ITIH5: variants seen among roughly 807,000 people sequenced by gnomAD.
ITIH5 encodes the protein inter-alpha-trypsin inhibitor heavy chain H5.
A neutral mutation model predicts 77.5 loss-of-function variants in ITIH5; 65 were observed. That is an observed-to-expected ratio of 0.84 (90% CI 0.69 to 1.03). The LOEUF is 1.03. Ranked by LOEUF, ITIH5 falls within the 50% of genes least tolerant of loss-of-function variation. The probability of loss-of-function intolerance (pLI) is 0.00; values close to 1 mark genes in which losing one functional copy is unlikely to be tolerated. For synonymous variants in ITIH5, 525 were observed against 494.3 expected (o/e 1.06, Z -0.82); for missense variants, 1,208 against 1,213.1 (o/e 1.00, Z 0.06).
intron 7 of ITIH5, among the ~76,000 whole-genome samples, chr10:7,614,333 A>G (rs1434771516): frequency 6.6e-6 from 1 of 152,202 alleles, no homozygotes; most frequent in Non-Finnish European, 1.5e-5. Context: ...TTTTCCCCCT[A>G]CATTAGTTCG....
At chr10:7,565,439 G>A (rs1384153994) in intron 13 of ITIH5, among the ~76,000 whole-genome samples, 1 of 149,556 alleles carries the variant, frequency 6.7e-6, no homozygotes, top group Non-Finnish European at 1.5e-5. Context: ...TATACACATA[G>A]ACTGTGTATA....
chr10:7,583,985 T>C (rs761535284), intron 8 of ITIH5, among the ~76,000 whole-genome samples: 21 of 152,202 alleles, frequency 1.4e-4, no homozygotes, highest in Non-Finnish European at 2.4e-4. Context: ...ACTTCCTATG[T>C]GCCAGGACCA....
chr10:7,569,708 G>T lies in ITIH5; in HGVS notation c.2109C>A (p.Pro703=). The T allele has an allele frequency of 6.2e-7, 1 of 1,612,788 alleles. No homozygotes were observed. Among genetic ancestry groups the T allele is most frequent in the Non-Finnish European group, 8.5e-7 (1 of 1,179,502 alleles). The stretch of plus-strand genomic sequence containing the variant: ...CAGAGACCAGCCTGAGGATGTCCCC[G>T]GGCTGCCCATCAATGTTGAAGCACA... ...LTVCFNIDGQ[P]GDILRLVSDH... Residue 703 remains proline (P), a synonymous_variant, in exon 12 of 14, where the codon CCC becomes CCA. Coordinates refer to ENST00000397146, the MANE Select transcript of ITIH5 (RefSeq NM_030569.7).
At chr10:7,569,581 A>G in intron 12 of ITIH5, 87 bp downstream of exon 12, 1 of 814,412 alleles carries the variant, frequency 1.2e-6, no homozygotes, top group Non-Finnish European at 1.9e-6. Flanking sequence ...TGGCCCTTGG[A>G]TCACTGGACA....
At chr10:7,565,081 T>TACACACAC (rs1332910600) in intron 13 of ITIH5, among the ~76,000 whole-genome samples, 1 of 146,378 alleles carries the variant, frequency 6.8e-6, no homozygotes, top group African/African-American at 2.5e-5. Context: ...TATATATATA[T>TACACACAC]ATACACACAC....
intron 8 of ITIH5, 59 bp downstream of exon 8, chr10:7,585,829 AAAAAAAAAAAACC>A (rs984239875): frequency 5.9e-5 from 79 of 1,345,846 alleles, no homozygotes; most frequent in African/African-American, 2.1e-4. Flanking sequence ...TCTTGGCAAA[AAAAAAAAAAAACC>A]AAAAAAAAAA....
At chr10:7,591,328 A>G (rs2130987728) in intron 7 of ITIH5, among the ~76,000 whole-genome samples, 1 of 152,002 alleles carries the variant, frequency 6.6e-6, no homozygotes, top group Non-Finnish European at 1.5e-5. Context: ...GCTTCCCTAA[A>G]CCCACCCTGC....
chr10:7,616,580 T>G (rs1234675971), intron 6 of ITIH5, among the ~76,000 whole-genome samples: 2 of 152,032 alleles, frequency 1.3e-5, no homozygotes, highest in African/African-American at 4.8e-5. Context: ...GTAATCCCAG[T>G]GCTTTGGGAG....
At chr10:7,661,669 G>A (rs1244534909) in intron 1 of ITIH5, among the ~76,000 whole-genome samples, 1 of 152,302 alleles carries the variant, frequency 6.6e-6, no homozygotes, top group African/African-American at 2.4e-5. Context: ...TGATATTACA[G>A]CTAAAATTCC....
At chr10:7,607,816 AAAG>A (rs1364227515) in intron 7 of ITIH5, among the ~76,000 whole-genome samples, 2 of 152,258 alleles carry the variant, frequency 1.3e-5, no homozygotes, top group African/African-American at 4.8e-5. Flanking sequence ...CTCAGTCTCG[AAAG>A]AAGAAAAAAA....
chr10:7,598,643 T>A (rs769350497), intron 7 of ITIH5, among the ~76,000 whole-genome samples: 7 of 152,192 alleles, frequency 4.6e-5, no homozygotes, highest in Non-Finnish European at 7.3e-5. Context: ...CTATATAATA[T>A]CGCAACTCTG....
chr10:7,570,492 T>C (rs1043532868), intron 11 of ITIH5: 2 of 152,272 alleles, frequency 1.3e-5, no homozygotes, highest in African/African-American at 4.8e-5. Context: ...TCTCCTCATT[T>C]TCACCTCTGT....
chr10:7,591,287 TCAA>T (rs1402143038), intron 7 of ITIH5, among the ~76,000 whole-genome samples: 14 of 152,178 alleles, frequency 9.2e-5, no homozygotes, highest in Non-Finnish European at 1.8e-4. Flanking sequence ...ACCCCAGCTA[TCAA>T]CAACAAGGTC....
At chr10:7,630,160 T>TA (rs555991239) in intron 5 of ITIH5, among the ~76,000 whole-genome samples, 42 of 152,220 alleles carry the variant, frequency 2.8e-4, no homozygotes, top group Non-Finnish European at 4.7e-4. Context: ...CCTTGCTTTT[T>TA]AAAAAAAGTT....
chr10:7,567,157 T>C lies in ITIH5; in HGVS notation c.2150-750A>G, dbSNP rs528155593. On this transcript the variant is annotated intron_variant, in intron 12 of 13. Coordinates refer to ENST00000397146, the MANE Select transcript of ITIH5 (RefSeq NM_030569.7). Reference sequence around the variant, plus strand: ...GAGAGGATGTAGTTTTGGGTCAAGATATCGTAGATGGAGGCATGAAGCTAA... The same window carrying C: ...GAGAGGATGTAGTTTTGGGTCAAGACATCGTAGATGGAGGCATGAAGCTAA... Among the ~76,000 whole-genome samples, 23 of 152,002 alleles carry C rather than the reference T, an allele frequency of 1.5e-4. No homozygotes were observed. In the South Asian group the frequency reaches 4.4e-3, roughly 29 times the overall value.
rs1832035550 is a variant in ITIH5, at chr10:7,561,306, C to T, written c.*1777G>A. 1 of 152,230 alleles carries T rather than the reference C, an allele frequency of 6.6e-6. No individual in the cohort carries two copies. The highest frequency in any genetic ancestry group is 2.4e-5 in the African/African-American group (1 of 41,456). The allele number at this position is 152,230 out of a possible 1,614,324, so 9.4% of individuals were successfully genotyped here. On this transcript the variant is annotated 3_prime_UTR_variant, in exon 14 of 14. Transcript: ENST00000397146. ...CACCTGGAACAACAGATCACTGCTCCAAGTGCTCCACAGGGGACAGGGCCA... is the reference window on the plus strand; with the variant it reads ...CACCTGGAACAACAGATCACTGCTCTAAGTGCTCCACAGGGGACAGGGCCA...
At chr10:7,578,115 G>A (rs1316149702) in intron 9 of ITIH5, among the ~76,000 whole-genome samples, 2 of 152,158 alleles carry the variant, frequency 1.3e-5, no homozygotes, top group African/African-American at 4.8e-5. Context: ...GTAGCATTAA[G>A]GACAACACCT....
At chr10:7,599,985 T>A (rs371392936) in intron 7 of ITIH5, among the ~76,000 whole-genome samples, 47 of 152,282 alleles carry the variant, frequency 3.1e-4, no homozygotes, top group African/African-American at 1.1e-3. Context: ...TGTTGGGGAT[T>A]GAGAGGTGCT....
At chr10:7,643,966 C>G (rs948965560) in intron 2 of ITIH5, among the ~76,000 whole-genome samples, 3 of 152,164 alleles carry the variant, frequency 2.0e-5, no homozygotes, top group African/African-American at 7.2e-5. Context: ...ACCGGCTGGG[C>G]GCGGTGGCTC....
Sources: gnomAD v4.1 joint callset for allele counts (sites outside exome capture counted in the v4.1 genomes callset) on GRCh38, gnomAD v4.1.1 for gene constraint, MANE v1.5 for transcripts, NCBI Gene and HGNC (gene_info 2026-07-23, HGNC 2026-07-21) for gene names.